Variants in WIPF2 observed in about 807,000 individuals in gnomAD.
WIPF2 encodes the protein WAS/WASL-interacting protein family member 2.
WIPF2 carries 23 observed loss-of-function variants against 38.8 expected under a neutral mutation model. The ratio of observed to expected loss-of-function variants is 0.59; its 90% confidence interval spans 0.43 to 0.84. The LOEUF (loss-of-function observed/expected upper bound fraction) is 0.84. Ranked by LOEUF, WIPF2 falls within the 40% of genes least tolerant of loss-of-function variation. WIPF2 has a pLI of 0.00. For synonymous variants in WIPF2, 210 were observed against 223.2 expected, an observed-to-expected ratio of 0.94 and a Z score of 0.53; for missense variants, 574 against 580.5, an observed-to-expected ratio of 0.99 and a Z score of 0.11.
chr17:40,271,505 TA>T (rs915657619), intron 5 of WIPF2, among the ~76,000 whole-genome samples: 359 of 141,664 alleles, frequency 2.5e-3, no homozygotes, highest in East Asian at 4.6e-3. Flanking sequence ...CCCTGTCTCT[TA>T]AAAAAAAAAA....
In WIPF2 at chr17:40,227,923, G is replaced by GT. The variant is rs933995111; in HGVS notation, c.-70+8442dup. Among the ~76,000 whole-genome samples, 594 of 115,728 alleles carry GT rather than the reference G, an allele frequency of 5.1e-3. 1 individual carries two copies. The highest frequency in any genetic ancestry group is 6.6e-3 in the Non-Finnish European group (357 of 53,734). The allele number at this position is 115,728 out of a possible 152,430, so 75.9% of individuals were successfully genotyped here. A position where few individuals can be genotyped will look rare whatever the true frequency, so the allele number is the denominator to read the frequency against. On this transcript the variant is annotated intron_variant, in intron 1 of 7. Coordinates refer to ENST00000323571, the MANE Select transcript of WIPF2 (RefSeq NM_133264.5). Reference sequence around the variant, plus strand: ...TATAAAGCAAATATGTATATTTCTTGTTTTTTTTTTTGTTGTTGTTGTTTT... The same window carrying GT: ...TATAAAGCAAATATGTATATTTCTTGTTTTTTTTTTTTGTTGTTGTTGTTTT...
intron 1 of WIPF2, among the ~76,000 whole-genome samples, chr17:40,233,498 T>C (rs917297129): frequency 7.9e-5 from 12 of 152,130 alleles, no homozygotes; most frequent in Admixed American, 2.0e-4. Flanking sequence ...TTCTTTCTTT[T>C]TTTTTTTGAT....
intron 1 of WIPF2, among the ~76,000 whole-genome samples, chr17:40,240,800 C>T (rs1046539795): frequency 1.3e-5 from 2 of 151,768 alleles, no homozygotes; most frequent in Non-Finnish European, 2.9e-5. Context: ...AAAAAATTAG[C>T]TGGGCGTGGT....
intron 1 of WIPF2, among the ~76,000 whole-genome samples, chr17:40,243,350 A>G (rs996309227): frequency 2.6e-5 from 4 of 152,100 alleles, no homozygotes; most frequent in Non-Finnish European, 2.9e-5. Context: ...AAAGAGTCAC[A>G]TTAGTGGGGA....
At chr17:40,271,420 C>G (rs2032245560) in intron 5 of WIPF2, among the ~76,000 whole-genome samples, 1 of 152,048 alleles carries the variant, frequency 6.6e-6, no homozygotes, top group Non-Finnish European at 1.5e-5. Context: ...GGGAGCATTG[C>G]TTGAGCCCAG....
In WIPF2 at chr17:40,281,952, A is replaced by G. The variant is rs937791127; in HGVS notation, c.*3727A>G. 6.6e-6 allele frequency: 1 copy of G among 152,326 alleles called. No individual in the cohort carries two copies. Among genetic ancestry groups the G allele is most frequent in the African/African-American group, 2.4e-5 (1 of 41,308 alleles). The allele number at this position is 152,326 out of a possible 1,614,324, so 9.4% of individuals were successfully genotyped here. On this transcript the variant is annotated 3_prime_UTR_variant, in exon 8 of 8. Transcript: ENST00000323571. ...GCTACAGTCTTTCTTTCCCCATTGA[A>G]TCTCAGTCCCTGGCCATGTGGTCAA...
At chr17:40,263,924 A>G (rs546204883) in intron 4 of WIPF2, among the ~76,000 whole-genome samples, 35 of 152,310 alleles carry the variant, frequency 2.3e-4, no homozygotes, top group African/African-American at 7.7e-4. Flanking sequence ...TCATTCCACA[A>G]CGTATACATA....
chr17:40,255,732 C>T (rs571141933), intron 1 of WIPF2, among the ~76,000 whole-genome samples: 2 of 145,272 alleles, frequency 1.4e-5, no homozygotes, highest in Admixed American at 6.8e-5. Context: ...GGTTTCACGC[C>T]ATTCTCCTGC....
rs1353000627 is a variant in WIPF2, at chr17:40,262,891, T to C, written c.313+250T>C. Among the ~76,000 whole-genome samples, 3 of 152,240 alleles carry C rather than the reference T, an allele frequency of 2.0e-5. No individual in the cohort carries two copies. In the East Asian group the frequency reaches 5.8e-4, roughly 29 times the overall value. ...GCCTTAGGCAAGAAGGAAACTTCTG[T>C]CATTTCTGATAATATGGATGAACTT... On this transcript the variant is annotated intron_variant, in intron 4 of 7. Transcript: ENST00000323571.
Position 40,283,420 on chromosome 17 carries a change from A to T in WIPF2, c.*5195A>T, listed in dbSNP as rs1239510345. 4 of 151,564 alleles carry T rather than the reference A, an allele frequency of 2.6e-5. No individual in the cohort carries two copies. The highest frequency in any genetic ancestry group is 4.4e-5 in the Non-Finnish European group (3 of 67,954). The allele number at this position is 151,564 out of a possible 1,614,324, so 9.4% of individuals were successfully genotyped here. Reference sequence around the variant, plus strand: ...CCACTATGCCTGGCTAATTTTGAAAATTTTTTTGTAAAGACAGGGTCTCCC... The same window carrying T: ...CCACTATGCCTGGCTAATTTTGAAATTTTTTTTGTAAAGACAGGGTCTCCC... On this transcript the variant is annotated 3_prime_UTR_variant, in exon 8 of 8. Transcript: ENST00000323571.
intron 5 of WIPF2, 21 bp from the exon 6 acceptor site, chr17:40,273,769 T>A: frequency 1.3e-6 from 2 of 1,563,252 alleles, no homozygotes; most frequent in Non-Finnish European, 1.8e-6. Flanking sequence ...CAAACCTAAC[T>A]ACTTTGGATT....
chr17:40,220,373 T>C (rs1225107042), intron 1 of WIPF2: 2 of 151,572 alleles, frequency 1.3e-5, no homozygotes, highest in Non-Finnish European at 2.9e-5. Context: ...GGCAAGGAAC[T>C]GATATGTGAT....
chr17:40,230,174 C>T (rs182702690), intron 1 of WIPF2, among the ~76,000 whole-genome samples: 1 of 152,056 alleles, frequency 6.6e-6, no homozygotes, highest in African/African-American at 2.4e-5. Flanking sequence ...CCCCCAGTCT[C>T]TATATAATTA....
intron 1 of WIPF2, among the ~76,000 whole-genome samples, chr17:40,245,264 A>G (rs1201401545): frequency 6.6e-6 from 1 of 152,088 alleles, no homozygotes; most frequent in Non-Finnish European, 1.5e-5. Flanking sequence ...GTAAGCTCCA[A>G]GACAGTAGAC....
intron 1 of WIPF2, among the ~76,000 whole-genome samples, chr17:40,234,429 C>T (rs2030874011): frequency 6.6e-6 from 1 of 151,398 alleles, no homozygotes; most frequent in Non-Finnish European, 1.5e-5. Flanking sequence ...GAGACTCTGT[C>T]TCAAAACAAA....
chr17:40,221,492 G>A (rs1184925382), intron 1 of WIPF2, among the ~76,000 whole-genome samples: 1 of 151,800 alleles, frequency 6.6e-6, no homozygotes, highest in Non-Finnish European at 1.5e-5. Context: ...CCAGCTACTT[G>A]GGAGGCTGAG....
At chr17:40,271,001 T>C (rs1195973735) in intron 5 of WIPF2, among the ~76,000 whole-genome samples, 1 of 152,180 alleles carries the variant, frequency 6.6e-6, no homozygotes, top group Non-Finnish European at 1.5e-5. Flanking sequence ...TTTGAGACAG[T>C]CTTGCTGTGT....
At position 40,283,812 on chromosome 17, in the gene WIPF2, T is replaced by C. The variant is rs1386361971; in HGVS notation, c.*5587T>C. On this transcript the variant is annotated 3_prime_UTR_variant, in exon 8 of 8. Transcript: ENST00000323571. ...TTAGCTGGTTTTCTTGAACTTTGAC[T>C]TTAGGTGTAAAAATTCAACCAGACA... 2.6e-5 allele frequency: 4 copies of C among 152,214 alleles called. No homozygotes were observed. Among genetic ancestry groups the C allele is most frequent in the African/African-American group, 9.7e-5 (4 of 41,446 alleles). 9.4% of individuals were successfully genotyped at this position (152,214 alleles called of 1,614,324 possible).
chr17:40,224,387 C>T (rs1268469239), intron 1 of WIPF2, among the ~76,000 whole-genome samples: 5 of 148,900 alleles, frequency 3.4e-5, no homozygotes, highest in Admixed American at 2.7e-4. Context: ...CCTGCCACCA[C>T]GCCCGGCTGA....
Sources: allele counts gnomAD v4.1 joint callset (sites outside exome capture counted in the v4.1 genomes callset), GRCh38; gene constraint gnomAD v4.1.1; transcripts MANE v1.5; gene names NCBI Gene and HGNC (gene_info 2026-07-23, HGNC 2026-07-21).